The following RIMS2 variants were observed in gnomAD, a reference collection of about 807,000 sequenced individuals.
RIMS2 encodes the protein regulating synaptic membrane exocytosis 2, also known as regulating synaptic membrane exocytosis protein 2.
Under a neutral mutation model 174.4 loss-of-function variants are expected in RIMS2, and 59 were observed. The ratio of observed to expected loss-of-function variants is 0.34; its 90% CI spans 0.27 to 0.42. RIMS2 has a LOEUF of 0.42. Among genes scored for constraint, RIMS2 ranks in the 10% least tolerant of loss-of-function variants. The pLI is 1.00. For missense variants in RIMS2, 1,620 were observed against 1,666.3 expected (o/e 0.97, Z 0.48); for synonymous variants, 606 against 572.5 (o/e 1.06, Z -0.84).
At position 104,054,775 on chromosome 8, in the gene RIMS2, T is replaced by C. The variant is rs564093358; in HGVS notation, c.3334+40160T>C. Among the ~76,000 whole-genome samples the C allele has an allele frequency of 7.2e-5, 11 of 152,246 alleles. No homozygotes were observed. The South Asian group carries it at 2.3e-3, about 32-fold the overall frequency. On this transcript the variant is annotated intron_variant, in intron 19 of 23. Transcript: ENST00000504942. ...GTTTCTTTAAGTATCAAAAATTTTA[T>C]TTTTCTCTGTAGGTTTGCACAATTT...
At chr8:103,505,131 G>A (rs1487359855) in intron 1 of RIMS2, among the ~76,000 whole-genome samples, 4 of 152,026 alleles carry the variant, frequency 2.6e-5, no homozygotes, top group Admixed American at 6.5e-5. Context: ...TGGGATTACA[G>A]GTGTGAGCAA....
At position 104,248,824 on chromosome 8, in the gene RIMS2, C is replaced by T. The variant is rs763999287; in HGVS notation, c.3589+11C>T. On this transcript the variant is annotated intron_variant, in intron 21 of 23. Coordinates refer to ENST00000504942, the Ensembl canonical transcript of RIMS2. ...CAACACCTGCAATGGGTAAGAATTT[C>T]TGCCACATGATTTCACTATTTTGTT... The T allele has an allele frequency of 3.0e-6, 4 of 1,333,886 alleles. No individual in the cohort carries two copies. The African/African-American group carries it at 4.3e-5, about 14-fold the overall frequency. 82.6% of individuals were successfully genotyped at this position (1,333,886 alleles called of 1,614,324 possible).
At chr8:104,068,716 T>A in intron 19 of RIMS2, 104 bp downstream of exon 23, 1 of 638,504 alleles carries the variant, frequency 1.6e-6, no homozygotes, top group East Asian at 2.8e-5. Flanking sequence ...AAACATATAA[T>A]GCCATGGCCC....
At chr8:104,024,301 T>A (rs1381487308) in intron 19 of RIMS2, among the ~76,000 whole-genome samples, 1 of 152,224 alleles carries the variant, frequency 6.6e-6, no homozygotes, top group Non-Finnish European at 1.5e-5. Context: ...ACTTAGCTCC[T>A]TGATTTAGAA....
At chr8:103,857,606 CATTA>C (rs144516798) in intron 3 of RIMS2, among the ~76,000 whole-genome samples, 23,826 of 151,984 alleles carry the variant, frequency 0.16, 1,948 homozygotes, top group Middle Eastern at 0.24. Flanking sequence ...AGTTGTTGAT[CATTA>C]ATTCCCCATG....
At chr8:103,871,419 G>A (rs193283594) in intron 3 of RIMS2, among the ~76,000 whole-genome samples, 10 of 152,034 alleles carry the variant, frequency 6.6e-5, no homozygotes, top group Admixed American at 1.3e-4. Context: ...AAAGTCAAAG[G>A]GACTTTGTAT....
chr8:104,051,394 G>A lies in RIMS2; in HGVS notation c.3334+36779G>A, dbSNP rs569604722. On this transcript the variant is annotated intron_variant, in intron 19 of 23. Coordinates refer to ENST00000504942, the Ensembl canonical transcript of RIMS2. ...CATTATGTTGCATAACTTATGGGAA[G>A]AACATAGTTATAGATTATAGATCGT... Among the ~76,000 whole-genome samples, 59 of 152,220 alleles carry A rather than the reference G, an allele frequency of 3.9e-4. No individual in the cohort carries two copies. In the South Asian group the frequency reaches 1.0e-2, roughly 26 times the overall value.
intron 19 of RIMS2, among the ~76,000 whole-genome samples, chr8:104,169,763 A>G (rs768846152): frequency 1.3e-5 from 2 of 151,874 alleles, no homozygotes; most frequent in Non-Finnish European, 2.9e-5. Context: ...GAGGTGTGAC[A>G]TTAGGTTGTC....
At chr8:104,177,871 A>C (rs1429890987) in intron 19 of RIMS2, among the ~76,000 whole-genome samples, 1 of 152,100 alleles carries the variant, frequency 6.6e-6, no homozygotes, top group African/African-American at 2.4e-5. Context: ...ATAGAGGAAA[A>C]GTGGTATTTG....
chr8:103,528,394 A>C (rs1208888612), intron 1 of RIMS2, among the ~76,000 whole-genome samples: 1 of 152,034 alleles, frequency 6.6e-6, no homozygotes, highest in African/African-American at 2.4e-5. Flanking sequence ...TCTTTAGTTT[A>C]ATTAGATCCC....
chr8:104,173,101 C>T (rs1396144701), intron 19 of RIMS2, among the ~76,000 whole-genome samples: 2 of 152,208 alleles, frequency 1.3e-5, no homozygotes. Flanking sequence ...CTGCTTACTA[C>T]ATCTGCTTTT....
Position 103,608,146 on chromosome 8 carries a change from T to C in RIMS2, c.177-88940T>C, listed in dbSNP as rs559533081. On this transcript the variant is annotated intron_variant, in intron 1 of 23. Transcript: ENST00000504942. ...TTTGTGGTTTTATCTACTTTTGGTC[T>C]TTGATGATGGTGATGTACAGATGGG... 1.2e-3 allele frequency among the ~76,000 whole-genome samples: 182 copies of C among 148,000 alleles called. No homozygotes were observed. The Middle Eastern group carries it at 0.054, about 44-fold the overall frequency.
chr8:104,112,512 G>A (rs1034981407), intron 19 of RIMS2, among the ~76,000 whole-genome samples: 9 of 151,970 alleles, frequency 5.9e-5, no homozygotes, highest in African/African-American at 1.5e-4. Context: ...GATGTTAACC[G>A]TAAACTTGAG....
chr8:103,789,348 T>C (rs1433581157), intron 3 of RIMS2, among the ~76,000 whole-genome samples: 1 of 152,106 alleles, frequency 6.6e-6, no homozygotes, highest in East Asian at 1.9e-4. Context: ...GTTTGGGATC[T>C]CTCTGACTTC....
chr8:103,618,509 C>T (rs1353800967), intron 1 of RIMS2, among the ~76,000 whole-genome samples: 1 of 151,990 alleles, frequency 6.6e-6, no homozygotes, highest in African/African-American at 2.4e-5. Flanking sequence ...GCTGGAGAGA[C>T]CCAGACAGTT....
intron 17 of RIMS2, among the ~76,000 whole-genome samples, chr8:104,011,530 A>C (rs1275357920): frequency 6.6e-6 from 1 of 152,054 alleles, no homozygotes; most frequent in Non-Finnish European, 1.5e-5. Context: ...GGACATAGCA[A>C]CACATTTAAA....
intron 14 of RIMS2, among the ~76,000 whole-genome samples, chr8:103,952,972 A>G (rs2154543673): frequency 6.6e-6 from 1 of 152,290 alleles, no homozygotes; most frequent in South Asian, 2.1e-4. Context: ...AGCATACATG[A>G]GTATGATTAG....
In RIMS2 at chr8:104,006,340, C is replaced by G. The variant is rs188352111; in HGVS notation, c.3045-7102C>G. 1.3e-4 allele frequency among the ~76,000 whole-genome samples: 20 copies of G among 152,074 alleles called. No individual in the cohort carries two copies. In the East Asian group the frequency reaches 3.7e-3, roughly 28 times the overall value. On this transcript the variant is annotated intron_variant, in intron 17 of 23. Coordinates refer to ENST00000504942, the Ensembl canonical transcript of RIMS2. ...CGAGGTGGGCGGATCACCTTGAGGT[C>G]GGGAGTTTGAGACCAGCCTGACCAA...
chr8:103,924,000 A>G (rs983712789), intron 10 of RIMS2, among the ~76,000 whole-genome samples: 5 of 151,640 alleles, frequency 3.3e-5, no homozygotes, highest in African/African-American at 1.2e-4. Flanking sequence ...CCATTTTAAT[A>G]CTTCATTGCA....
Sources: gnomAD v4.1 joint callset for allele counts (sites outside exome capture counted in the v4.1 genomes callset) on GRCh38, gnomAD v4.1.1 for gene constraint, MANE v1.5 for transcripts, NCBI Gene and HGNC (gene_info 2026-07-23, HGNC 2026-07-21) for gene names.